AKAP13: variants seen among roughly 807,000 people sequenced by gnomAD.
The protein encoded by AKAP13 is A-kinase anchor protein 13.
In AKAP13, 80 loss-of-function variants were observed where a neutral mutation model predicts 264.5. The ratio of observed to expected loss-of-function variants is 0.30; its 90% CI spans 0.25 to 0.36. AKAP13 has a LOEUF of 0.36. Among genes scored for constraint, AKAP13 ranks in the 10% least tolerant of loss-of-function variants. AKAP13 has a pLI of 1.00. For synonymous variants in AKAP13, 1,380 were observed against 1,250.2 expected (o/e 1.10, Z -2.19); for missense variants, 3,712 against 3,435.2 (o/e 1.08, Z -2.01).
Position 85,582,106 on chromosome 15 carries a change from A to G in AKAP13, c.4038A>G (p.Ala1346=). ...CTGTCCAGGGGCCTGAGCCAGCAGC[A>G]GGTAAGCAAAACATAATACAAAATT... ...ILPVQGPEPA[A]EMPDVKAEDE... is the part of the protein sequence containing the mutation. Residue 1346 remains alanine, a splice_region_variant and synonymous_variant, in exon 7 of 37, where the codon GCA becomes GCG. Coordinates refer to ENST00000394518, the MANE Select transcript of AKAP13 (RefSeq NM_007200.5). 1.3e-6 allele frequency: 2 copies of G among 1,584,488 alleles called. No individual in the cohort carries two copies. Among genetic ancestry groups the G allele is most frequent in the Non-Finnish European group, 8.6e-7 (1 of 1,166,540 alleles).
At chr15:85,742,289 A>G (rs554810817) in intron 35 of AKAP13, among the ~76,000 whole-genome samples, 1 of 152,228 alleles carries the variant, frequency 6.6e-6, no homozygotes, top group African/African-American at 2.4e-5. Context: ...TCTGTGCCAC[A>G]TCAGAAATCA....
At chr15:85,729,239 G>A (rs1422850589) in intron 29 of AKAP13, among the ~76,000 whole-genome samples, 2 of 151,866 alleles carry the variant, frequency 1.3e-5, no homozygotes, top group East Asian at 3.9e-4. Flanking sequence ...GCAGAGGGAG[G>A]TAGAGGTTTC....
At chr15:85,693,564 AC>A in intron 17 of AKAP13, 113 bp downstream of exon 17, 1 of 1,494,372 alleles carries the variant, frequency 6.7e-7, no homozygotes, top group South Asian at 1.3e-5. Context: ...TGGAGAAGTA[AC>A]CCTTTTTATA....
chr15:85,565,231 C>T (rs1248184429), intron 5 of AKAP13, among the ~76,000 whole-genome samples: 1 of 142,768 alleles, frequency 7.0e-6, no homozygotes, highest in Non-Finnish European at 1.6e-5. Context: ...TGATAGTTTC[C>T]TCATTGGAAT....
At chr15:85,460,949 G>GTTT (rs35141349) in intron 1 of AKAP13, among the ~76,000 whole-genome samples, 6 of 148,520 alleles carry the variant, frequency 4.0e-5, no homozygotes, top group African/African-American at 7.4e-5. Flanking sequence ...GGGGAACAGA[G>GTTT]TTTTTTTTTT....
chr15:85,404,130 A>G (rs1277787644), intron 1 of AKAP13, among the ~76,000 whole-genome samples: 1 of 152,230 alleles, frequency 6.6e-6, no homozygotes, highest in Non-Finnish European at 1.5e-5. Context: ...ATCAGAAATC[A>G]TTAGTGTAAA....
intron 5 of AKAP13, among the ~76,000 whole-genome samples, chr15:85,559,708 C>T (rs765428764): frequency 6.2e-5 from 8 of 129,294 alleles, no homozygotes; most frequent in Non-Finnish European, 1.3e-4. Flanking sequence ...ACCGTTGATC[C>T]GACAGGAGGC....
rs1224804763 is a variant in AKAP13 at position 85,748,701 on chromosome 15, T to A, written c.*4024T>A. The A allele has an allele frequency of 6.6e-6, 1 of 151,924 alleles. No individual in the cohort carries two copies. The highest frequency in any genetic ancestry group is 2.4e-5 in the African/African-American group (1 of 41,354). 9.4% of individuals were successfully genotyped at this position (151,924 alleles called of 1,614,324 possible). On this transcript the variant is annotated 3_prime_UTR_variant, in exon 37 of 37. Coordinates refer to ENST00000394518, the MANE Select transcript of AKAP13 (RefSeq NM_007200.5). The stretch of plus-strand genomic sequence containing the variant: ...GCATCTTTCCAAGTACTCATCTAAT[T>A]TAATTGTCAAAAGATTGATAGGCCA...
chr15:85,737,829 G>T (rs2151771807), intron 33 of AKAP13, among the ~76,000 whole-genome samples: 1 of 151,944 alleles, frequency 6.6e-6, no homozygotes, highest in East Asian at 2.0e-4. Context: ...AGTAGAGATG[G>T]GGTTTCACCA....
At chr15:85,693,683 G>T (rs2085413055) in intron 17 of AKAP13, among the ~76,000 whole-genome samples, 1 of 152,130 alleles carries the variant, frequency 6.6e-6, no homozygotes, top group Non-Finnish European at 1.5e-5. Context: ...AGATGGTTCA[G>T]CCTAGCTTTT....
intron 35 of AKAP13, among the ~76,000 whole-genome samples, chr15:85,742,154 C>T (rs2089064319): frequency 6.6e-6 from 1 of 152,208 alleles, no homozygotes; most frequent in Non-Finnish European, 1.5e-5. Context: ...AATGGAAGTG[C>T]TGGGGCATTT....
intron 1 of AKAP13, chr15:85,415,265 G>A: frequency 6.3e-7 from 1 of 1,578,616 alleles, no homozygotes; most frequent in East Asian, 2.3e-5. Context: ...GATGGCGCCT[G>A]GTGGACAGCA....
At chr15:85,633,452 T>C (rs574030790) in intron 8 of AKAP13, among the ~76,000 whole-genome samples, 1 of 152,198 alleles carries the variant, frequency 6.6e-6, no homozygotes, top group African/African-American at 2.4e-5. Flanking sequence ...GAGAATCTTA[T>C]TTCACAGTAA....
chr15:85,521,615 T>A, intron 3 of AKAP13, 40 bp downstream of exon 3: 1 of 1,598,062 alleles, frequency 6.3e-7, no homozygotes, highest in South Asian at 1.1e-5. Flanking sequence ...TTTTCCTAGT[T>A]CTTAAACCCT....
intron 12 of AKAP13, among the ~76,000 whole-genome samples, chr15:85,659,917 A>G (rs1038867915): frequency 1.3e-5 from 2 of 152,212 alleles, no homozygotes; most frequent in Non-Finnish European, 1.5e-5. Context: ...AAGAACTACT[A>G]AATATTATCC....
intron 8 of AKAP13, among the ~76,000 whole-genome samples, chr15:85,626,891 A>G (rs2081434502): frequency 6.6e-6 from 1 of 152,206 alleles, no homozygotes; most frequent in Middle Eastern, 3.2e-3. Flanking sequence ...TCCAATTTCA[A>G]CACATCCTCG....
intron 1 of AKAP13, among the ~76,000 whole-genome samples, chr15:85,407,089 C>T (rs925201927): frequency 8.6e-5 from 13 of 151,636 alleles, no homozygotes; most frequent in Non-Finnish European, 1.6e-4. Flanking sequence ...GTGCACCAGC[C>T]ACTAGGAATG....
chr15:85,744,443 T>TGAAG (rs1020773341), intron 36 of AKAP13, 185 bp from the exon 37 acceptor site: 13 of 639,110 alleles, frequency 2.0e-5, no homozygotes, highest in African/African-American at 1.1e-4. Context: ...CATTAGGCAG[T>TGAAG]GAAGGATATC....
chr15:85,556,042 G>A (rs779986475), intron 5 of AKAP13, among the ~76,000 whole-genome samples: 6 of 152,140 alleles, frequency 3.9e-5, no homozygotes, highest in African/African-American at 9.7e-5. Flanking sequence ...GGTAGGTTTC[G>A]TTGTGGGTAG....
Sources: allele counts gnomAD v4.1 joint callset (sites outside exome capture counted in the v4.1 genomes callset), GRCh38; gene constraint gnomAD v4.1.1; transcripts MANE v1.5; gene names NCBI Gene and HGNC (gene_info 2026-07-23, HGNC 2026-07-21).